The following ITGBL1 variants were observed in gnomAD, a reference collection of about 807,000 sequenced individuals.
ITGBL1 encodes integrin beta-like protein 1.
Under a neutral mutation model 68.5 loss-of-function variants are expected in ITGBL1, and 51 were observed. The ratio of observed to expected loss-of-function variants is 0.74; its 90% CI spans 0.59 to 0.94. The LOEUF is 0.94. ITGBL1 is among the 40% of genes least tolerant of loss of function. The pLI is 0.00. For synonymous variants in ITGBL1, 209 were observed against 227.3 expected, an observed-to-expected ratio of 0.92 and a Z score of 0.72; for missense variants, 649 against 647.4, an observed-to-expected ratio of 1.00 and a Z score of -0.03.
intron 7 of ITGBL1, among the ~76,000 whole-genome samples, chr13:101,665,848 C>T (rs1457107703): frequency 6.6e-6 from 1 of 152,154 alleles, no homozygotes. Context: ...CACAGCGTTG[C>T]ACAAAGACCA....
intron 7 of ITGBL1, among the ~76,000 whole-genome samples, chr13:101,657,097 G>A (rs2032951440): frequency 6.6e-6 from 1 of 152,094 alleles, no homozygotes; most frequent in Non-Finnish European, 1.5e-5. Flanking sequence ...TAGCCCAAAT[G>A]CAGAGAGGAA....
intron 8 of ITGBL1, among the ~76,000 whole-genome samples, chr13:101,694,292 C>T (rs1338813974): frequency 6.6e-6 from 1 of 152,126 alleles, no homozygotes; most frequent in Non-Finnish European, 1.5e-5. Context: ...TATATTAACT[C>T]ATTTATTTAT....
At chr13:101,554,063 C>T (rs922766391) in intron 2 of ITGBL1, among the ~76,000 whole-genome samples, 13 of 152,154 alleles carry the variant, frequency 8.5e-5, no homozygotes, top group East Asian at 3.9e-4. Context: ...CATGAGCCCC[C>T]GCTGTGCCCG....
At chr13:101,542,654 G>A (rs1271953544) in intron 2 of ITGBL1, among the ~76,000 whole-genome samples, 1 of 151,944 alleles carries the variant, frequency 6.6e-6, no homozygotes, top group African/African-American at 2.4e-5. Flanking sequence ...TTGACAGTGG[G>A]GTATTAAAAT....
intron 2 of ITGBL1, among the ~76,000 whole-genome samples, chr13:101,510,342 A>C (rs567277277): frequency 1.3e-5 from 2 of 152,064 alleles, no homozygotes; most frequent in Admixed American, 1.3e-4. Context: ...ACATGATTTC[A>C]TTCTTTTTTA....
chr13:101,692,934 A>T, intron 8 of ITGBL1: 1 of 400,398 alleles, frequency 2.5e-6, no homozygotes, highest in Non-Finnish European at 4.5e-6. Flanking sequence ...ATAAAAGATC[A>T]TTGAATCTAA....
chr13:101,691,221 C>T (rs2033876567), intron 7 of ITGBL1, among the ~76,000 whole-genome samples: 1 of 152,142 alleles, frequency 6.6e-6, no homozygotes. Flanking sequence ...GGACCCCTGC[C>T]TCCTGCTGAA....
At chr13:101,712,867 G>A (rs1314816239) in intron 9 of ITGBL1, 1 of 152,126 alleles carries the variant, frequency 6.6e-6, no homozygotes, top group Non-Finnish European at 1.5e-5. Context: ...GACCACAAGG[G>A]AACCAGCATC....
chr13:101,599,071 A>G (rs975878088), intron 7 of ITGBL1, among the ~76,000 whole-genome samples: 3 of 152,064 alleles, frequency 2.0e-5, no homozygotes, highest in Non-Finnish European at 2.9e-5. Context: ...AAGTGTTCCT[A>G]TTTCTCCATA....
At chr13:101,654,454 G>T (rs552943413) in intron 7 of ITGBL1, among the ~76,000 whole-genome samples, 2 of 152,194 alleles carry the variant, frequency 1.3e-5, no homozygotes, top group East Asian at 3.9e-4. Context: ...CGGTGGAAAT[G>T]GTATCATAAT....
intron 7 of ITGBL1, among the ~76,000 whole-genome samples, chr13:101,649,697 G>C (rs1158512572): frequency 6.6e-6 from 1 of 152,038 alleles, no homozygotes; most frequent in Non-Finnish European, 1.5e-5. Context: ...TGCTCTTACT[G>C]ACCAGCCTAT....
At chr13:101,543,101 T>C (rs2139191306) in intron 2 of ITGBL1, among the ~76,000 whole-genome samples, 1 of 152,344 alleles carries the variant, frequency 6.6e-6, no homozygotes, top group East Asian at 1.9e-4. Flanking sequence ...CCTGTCATTA[T>C]GATTTTAGCT....
At chr13:101,457,341 T>C (rs1256633819) in intron 2 of ITGBL1, among the ~76,000 whole-genome samples, 3 of 152,200 alleles carry the variant, frequency 2.0e-5, no homozygotes, top group African/African-American at 4.8e-5. Context: ...AAAAGTCAAG[T>C]AGGGATAACT....
chr13:101,562,260 A>T (rs1594891828), intron 2 of ITGBL1, among the ~76,000 whole-genome samples: 1 of 118,492 alleles, frequency 8.4e-6, no homozygotes, highest in African/African-American at 4.0e-5. Flanking sequence ...ACAAAACAGA[A>T]AGCAGAAAAA....
intron 2 of ITGBL1, among the ~76,000 whole-genome samples, chr13:101,480,869 C>T (rs541050133): frequency 3.3e-5 from 5 of 151,840 alleles, no homozygotes; most frequent in African/African-American, 1.2e-4. Flanking sequence ...GTCAAACAAG[C>T]AAAATTTTAA....
chr13:101,615,217 C>T (rs1047133375), intron 7 of ITGBL1, among the ~76,000 whole-genome samples: 2 of 151,622 alleles, frequency 1.3e-5, no homozygotes, highest in Admixed American at 1.3e-4. Flanking sequence ...AAGCTCCCTT[C>T]TCCTTTCTCC....
intron 2 of ITGBL1, among the ~76,000 whole-genome samples, chr13:101,520,620 C>T (rs1206967206): frequency 1.3e-5 from 2 of 152,160 alleles, no homozygotes; most frequent in African/African-American, 4.8e-5. Flanking sequence ...CTGCTCTGTT[C>T]AGGGCACCCT....
chr13:101,698,559 G>A (rs1230751462), intron 8 of ITGBL1, among the ~76,000 whole-genome samples: 1 of 152,162 alleles, frequency 6.6e-6, no homozygotes, highest in African/African-American at 2.4e-5. Context: ...ATTAACTTGT[G>A]AGTCATGTTC....
At chr13:101,599,770 G>A (rs908223846) in intron 7 of ITGBL1, among the ~76,000 whole-genome samples, 2 of 151,986 alleles carry the variant, frequency 1.3e-5, no homozygotes, top group African/African-American at 4.8e-5. Flanking sequence ...TATTTCTGAG[G>A]GCTCTGTTCT....
Sources: gnomAD v4.1 joint callset for allele counts (sites outside exome capture counted in the v4.1 genomes callset) on GRCh38, gnomAD v4.1.1 for gene constraint, MANE v1.5 for transcripts, NCBI Gene and HGNC (gene_info 2026-07-23, HGNC 2026-07-21) for gene names.